CDH12: variants seen among roughly 807,000 people sequenced by gnomAD.
CDH12 encodes the protein cadherin-12.
Under a neutral mutation model 74.1 loss-of-function variants are expected in CDH12, and 41 were observed. The ratio of observed to expected loss-of-function variants is 0.55; its 90% CI spans 0.43 to 0.72. CDH12 has a LOEUF of 0.72. CDH12 is among the 30% of genes least tolerant of loss of function. The probability of loss-of-function intolerance (pLI) is 0.00; values close to 1 mark genes in which losing one functional copy is unlikely to be tolerated. For synonymous variants in CDH12, 399 were observed against 355.0 expected, an observed-to-expected ratio of 1.12 and a Z score of -1.39; for missense variants, 945 against 977.2, an observed-to-expected ratio of 0.97 and a Z score of 0.44.
intron 9 of CDH12, among the ~76,000 whole-genome samples, chr5:21,812,232 T>C (rs1467957662): frequency 2.0e-5 from 3 of 152,080 alleles, no homozygotes; most frequent in African/African-American, 7.2e-5. Flanking sequence ...AAAATTAAAA[T>C]AACTGGTGTT....
At chr5:22,532,490 C>T (rs966286784) in intron 1 of CDH12, among the ~76,000 whole-genome samples, 1 of 149,604 alleles carries the variant, frequency 6.7e-6, no homozygotes, top group African/African-American at 2.5e-5. Context: ...GACATATTAG[C>T]TGTGTATTTT....
chr5:22,498,091 G>A (rs1267472649), intron 2 of CDH12, among the ~76,000 whole-genome samples: 1 of 152,030 alleles, frequency 6.6e-6, no homozygotes. Flanking sequence ...ACACTTTCAA[G>A]CTTTGCTCCC....
intron 2 of CDH12, among the ~76,000 whole-genome samples, chr5:22,419,937 T>C (rs752549999): frequency 2.6e-5 from 4 of 152,200 alleles, no homozygotes; most frequent in Non-Finnish European, 4.4e-5. Flanking sequence ...GTTGGCCACA[T>C]AAATGTCTTC....
chr5:22,341,954 G>A (rs1739870465), intron 3 of CDH12, among the ~76,000 whole-genome samples: 1 of 151,934 alleles, frequency 6.6e-6, no homozygotes, highest in African/African-American at 2.4e-5. Flanking sequence ...AACTGGCAGC[G>A]TAAACAGTGA....
intron 1 of CDH12, among the ~76,000 whole-genome samples, chr5:22,838,659 G>C (rs1581051034): frequency 6.8e-6 from 1 of 147,926 alleles, no homozygotes; most frequent in African/African-American, 2.5e-5. Flanking sequence ...GTCTGTGTGT[G>C]TGTGTGTGTG....
chr5:22,623,073 T>C (rs997208067), intron 1 of CDH12, among the ~76,000 whole-genome samples: 2 of 152,146 alleles, frequency 1.3e-5, no homozygotes, highest in East Asian at 1.9e-4. Flanking sequence ...AAAAACCACA[T>C]GATTATCTCA....
intron 5 of CDH12, among the ~76,000 whole-genome samples, chr5:21,998,483 C>A (rs892415394): frequency 1.4e-4 from 22 of 152,010 alleles, no homozygotes; most frequent in Non-Finnish European, 2.2e-4. Context: ...ACAGAGGACA[C>A]AAATAGTTCC....
intron 3 of CDH12, among the ~76,000 whole-genome samples, chr5:22,263,846 A>G (rs1239450253): frequency 6.6e-6 from 1 of 152,056 alleles, no homozygotes; most frequent in Non-Finnish European, 1.5e-5. Flanking sequence ...AATTTAAGTA[A>G]TTGGCAAAAG....
chr5:21,963,638 G>A (rs914210479), intron 6 of CDH12, among the ~76,000 whole-genome samples: 1 of 151,932 alleles, frequency 6.6e-6, no homozygotes, highest in Non-Finnish European at 1.5e-5. Flanking sequence ...ATTCTATTAC[G>A]GCCAAAGACT....
At chr5:22,404,720 G>A (rs1298179852) in intron 3 of CDH12, among the ~76,000 whole-genome samples, 1 of 152,054 alleles carries the variant, frequency 6.6e-6, no homozygotes, top group Admixed American at 6.5e-5. Flanking sequence ...TGTGTTTGAG[G>A]AAACAACTTT....
chr5:22,648,884 A>C (rs1225382928), intron 1 of CDH12, among the ~76,000 whole-genome samples: 1 of 151,964 alleles, frequency 6.6e-6, no homozygotes, highest in Non-Finnish European at 1.5e-5. Flanking sequence ...CTTGCCAATT[A>C]CTTTAAGCTT....
At chr5:21,953,311 C>G (rs1265955633) in intron 6 of CDH12, among the ~76,000 whole-genome samples, 1 of 152,146 alleles carries the variant, frequency 6.6e-6, no homozygotes, top group Non-Finnish European at 1.5e-5. Flanking sequence ...AAGCTCCTCC[C>G]CTGACCTACC....
At chr5:22,584,256 C>T (rs1340429338) in intron 1 of CDH12, among the ~76,000 whole-genome samples, 2 of 152,044 alleles carry the variant, frequency 1.3e-5, no homozygotes, top group Non-Finnish European at 2.9e-5. Context: ...TGCATTATCA[C>T]ACCCAGCTAA....
intron 1 of CDH12, among the ~76,000 whole-genome samples, chr5:22,549,629 T>C: frequency 6.6e-6 from 1 of 152,210 alleles, no homozygotes; most frequent in Non-Finnish European, 1.5e-5. Flanking sequence ...GTTCATCTAC[T>C]AGTTGCTATG....
intron 3 of CDH12, among the ~76,000 whole-genome samples, chr5:22,319,189 G>T (rs1362357650): frequency 6.6e-6 from 1 of 152,142 alleles, no homozygotes; most frequent in Non-Finnish European, 1.5e-5. Context: ...TTAGAGAAAG[G>T]ATAAGTAATA....
At chr5:22,290,184 T>C (rs1199920885) in intron 3 of CDH12, among the ~76,000 whole-genome samples, 2 of 152,076 alleles carry the variant, frequency 1.3e-5, no homozygotes, top group Middle Eastern at 3.4e-3. Flanking sequence ...AAATAAATAC[T>C]TACTAATTCA....
At chr5:22,284,732 T>C (rs1304305901) in intron 3 of CDH12, among the ~76,000 whole-genome samples, 1 of 152,096 alleles carries the variant, frequency 6.6e-6, no homozygotes, top group African/African-American at 2.4e-5. Flanking sequence ...AGTGTCTGAA[T>C]ACCAGAAAGT....
At chr5:21,877,015 C>G (rs949730735) in intron 6 of CDH12, among the ~76,000 whole-genome samples, 1 of 152,174 alleles carries the variant, frequency 6.6e-6, no homozygotes, top group Non-Finnish European at 1.5e-5. Flanking sequence ...ACAGCCTGGC[C>G]AACATGGCAA....
At chr5:22,450,877 CTTTTTTT>C (rs545463039) in intron 2 of CDH12, among the ~76,000 whole-genome samples, 1 of 129,286 alleles carries the variant, frequency 7.7e-6, no homozygotes, top group South Asian at 2.5e-4. Flanking sequence ...TAATAAGCCA[CTTTTTTT>C]TTTTTTTTTT....
Sources: allele counts gnomAD v4.1 joint callset (sites outside exome capture counted in the v4.1 genomes callset), GRCh38; gene constraint gnomAD v4.1.1; transcripts MANE v1.5; gene names NCBI Gene and HGNC (gene_info 2026-07-23, HGNC 2026-07-21).